IFT172: variants seen among roughly 807,000 people sequenced by gnomAD.
IFT172 encodes the protein intraflagellar transport protein 172 homolog.
IFT172 carries 164 observed loss-of-function variants against 248.9 expected under a neutral mutation model. The ratio of observed to expected loss-of-function variants is 0.66; its 90% CI spans 0.58 to 0.75. IFT172 has a LOEUF of 0.75. Among genes scored for constraint, IFT172 ranks in the 30% least tolerant of loss-of-function variants. The pLI is 0.00. For missense variants in IFT172, 1,950 were observed against 2,192.4 expected, an observed-to-expected ratio of 0.89 and a Z score of 2.21; for synonymous variants, 729 against 791.6, an observed-to-expected ratio of 0.92 and a Z score of 1.33.
At position 27,470,957 on chromosome 2, in the gene IFT172, G is replaced by A. The variant is rs766310940; in HGVS notation, c.1663C>T (p.Pro555Ser). 1 of 1,608,834 alleles carries A rather than the reference G, an allele frequency of 6.2e-7. No homozygotes were observed. Among genetic ancestry groups the A allele is most frequent in the Non-Finnish European group, 8.5e-7 (1 of 1,178,610 alleles). Residue 555 changes from proline (P) to serine (S), a missense_variant, in exon 16 of 48, where the codon CCT (proline) becomes TCT (serine). Physicochemically the swap from Pro to Ser is moderately conservative, Grantham distance 74 (BLOSUM62 -1). Coordinates refer to ENST00000260570, the MANE Select transcript of IFT172 (RefSeq NM_015662.3). ...ATAGTGAACATGGTGACTCTCTCAG[G>A]TGCCTCAATGTTGTACCATACACAC... ...SLCVWYNIEA[P>S]ERVTMFTIRG...
At chr2:27,451,003 AC>A (rs1274350986) in intron 35 of IFT172, among the ~76,000 whole-genome samples, 1 of 150,084 alleles carries the variant, frequency 6.7e-6, no homozygotes, top group Non-Finnish European at 1.5e-5. Flanking sequence ...AATTTAAATG[AC>A]ATGTATGGCT....
intron 30 of IFT172, chr2:27,455,080 C>T (rs751350802): frequency 1.8e-5 from 5 of 278,854 alleles, no homozygotes; most frequent in Admixed American, 1.0e-4. Context: ...CCCTCAGCAT[C>T]GGACTCCATG....
chr2:27,447,641 G>A lies in IFT172; in HGVS notation c.4540-7C>T. 1.2e-6 allele frequency: 2 copies of A among 1,614,112 alleles called. No individual in the cohort carries two copies. The highest frequency in any genetic ancestry group is 1.7e-6 in the Non-Finnish European group (2 of 1,180,034). ...ACTTCACCAGGTTTTCACACTAGAG[G>A]AGGGAGACAGCACAGCCTGGCTCAG... On this transcript the variant is annotated splice_polypyrimidine_tract_variant and splice_region_variant and intron_variant, in intron 41 of 47. Transcript: ENST00000260570.
chr2:27,466,033 T>A, intron 16 of IFT172, 151 bp from the exon 17 acceptor site: 1 of 853,016 alleles, frequency 1.2e-6, no homozygotes, highest in Admixed American at 2.3e-5. Context: ...CTCTCAAGCA[T>A]AAAAAAATAC....
chr2:27,456,764 G>T (rs1242458892), intron 29 of IFT172, 111 bp from the exon 30 acceptor site: 3 of 1,460,930 alleles, frequency 2.1e-6, no homozygotes, highest in Non-Finnish European at 1.8e-6. Flanking sequence ...ACAGGAAGAG[G>T]CTGGGTGTGG....
At chr2:27,481,507 A>G (rs1218918035) in intron 7 of IFT172, among the ~76,000 whole-genome samples, 1 of 151,612 alleles carries the variant, frequency 6.6e-6, no homozygotes, top group Non-Finnish European at 1.5e-5. Flanking sequence ...TGCTCTAGAA[A>G]AACCTCAAAA....
In IFT172 at chr2:27,485,145, A is replaced by T; in HGVS notation, c.184-15T>A. 1.3e-6 allele frequency: 2 copies of T among 1,531,164 alleles called. No homozygotes were observed. Among genetic ancestry groups the T allele is most frequent in the Non-Finnish European group, 1.8e-6 (2 of 1,121,416 alleles). The allele number at this position is 1,531,164 out of a possible 1,614,324, so 94.8% of individuals were successfully genotyped here. A position where few individuals can be genotyped will look rare whatever the true frequency, so the allele number is the denominator to read the frequency against. ...TTCCTGCCATACTAAGAGTTTAAAA[A>T]AAAAAAAAGAAAGAAAAAGAAGTAA... On this transcript the variant is annotated splice_polypyrimidine_tract_variant and intron_variant, in intron 2 of 47. Transcript: ENST00000260570.
At chr2:27,481,013 T>G in intron 8 of IFT172, 33 bp downstream of exon 8, 1 of 1,538,522 alleles carries the variant, frequency 6.5e-7, no homozygotes, top group Non-Finnish European at 9.0e-7. Context: ...GCAGGGAAAG[T>G]AGGCAGTAGA....
At chr2:27,471,230 G>T (rs1242964253) in intron 15 of IFT172, 135 bp from the exon 16 acceptor site, 5 of 777,750 alleles carry the variant, frequency 6.4e-6, no homozygotes, top group Non-Finnish European at 1.0e-5. Context: ...AAAGCTTACT[G>T]ACCTGCTTTC....
intron 14 of IFT172, among the ~76,000 whole-genome samples, chr2:27,476,031 G>A (rs1188233914): frequency 6.6e-6 from 1 of 151,800 alleles, no homozygotes. Context: ...GAACATATAA[G>A]ATTTATAAAT....
At chr2:27,475,672 T>G (rs972255894) in intron 14 of IFT172, 2 of 152,206 alleles carry the variant, frequency 1.3e-5, no homozygotes, top group African/African-American at 4.8e-5. Flanking sequence ...AGTACTATTT[T>G]TATCCCTATT....
At chr2:27,455,583 C>A (rs531008157) in intron 30 of IFT172, among the ~76,000 whole-genome samples, 3 of 152,080 alleles carry the variant, frequency 2.0e-5, no homozygotes, top group Non-Finnish European at 2.9e-5. Context: ...TGGTGGCGGG[C>A]ACCTGTAGTC....
rs745724582 is a variant in IFT172 at position 27,461,862 on chromosome 2, G to A, written c.2116-26C>T. 1.3e-5 allele frequency: 21 copies of A among 1,613,588 alleles called. No homozygotes were observed. In the South Asian group the frequency reaches 2.3e-4, roughly 18 times the overall value. Reference sequence around the variant, plus strand: ...CTAGGGGAAACAGGCAGAGCAGAGAGGGACACCAGAAAGATATGAGGATCA... The same window carrying A: ...CTAGGGGAAACAGGCAGAGCAGAGAAGGACACCAGAAAGATATGAGGATCA... On this transcript the variant is annotated intron_variant, in intron 20 of 47. Coordinates refer to ENST00000260570, the MANE Select transcript of IFT172 (RefSeq NM_015662.3).
At chr2:27,483,461 G>T in intron 6 of IFT172, 85 bp from the exon 7 acceptor site, 1 of 1,392,088 alleles carries the variant, frequency 7.2e-7, no homozygotes, top group Non-Finnish European at 1.0e-6. Flanking sequence ...ACACAACCTT[G>T]TCTGTGCTTC....
At chr2:27,482,130 G>A (rs368308976) in intron 7 of IFT172, among the ~76,000 whole-genome samples, 4 of 151,530 alleles carry the variant, frequency 2.6e-5, no homozygotes, top group East Asian at 3.9e-4. Flanking sequence ...TTCCGGGCAC[G>A]TTCCACCATG....
Position 27,453,511 on chromosome 2 carries a change from C to A in IFT172, c.3824G>T (p.Gly1275Val), listed in dbSNP as rs543062539. The A allele has an allele frequency of 1.2e-5, 20 of 1,614,012 alleles. No homozygotes were observed. In the South Asian group the frequency reaches 2.1e-4, roughly 17 times the overall value. Residue 1275 changes from glycine (G) to valine (V), a missense_variant and splice_region_variant, in exon 35 of 48, where the codon GGT (glycine) becomes GTT (valine). This residue lies in a region of IFT172 where 620 missense variants were observed against 699.0 expected (regional missense o/e 0.89). Coordinates refer to ENST00000260570, the MANE Select transcript of IFT172 (RefSeq NM_015662.3). ...AGCTTGTTCCACAAATCCCTCCACA[C>A]CCCTGTGGAGATGAGAGCGCTGGGA... ...EREATKKGARGVEGFVEQARH... is the reference protein window; with the variant it reads ...EREATKKGARVVEGFVEQARH...
chr2:27,450,129 G>A (rs752652347), intron 35 of IFT172, 33 bp from the exon 36 acceptor site: 1 of 1,518,632 alleles, frequency 6.6e-7, no homozygotes, highest in Non-Finnish European at 9.1e-7. Flanking sequence ...GAAATGGGTA[G>A]GAGAGACAAA....
chr2:27,477,667 G>C (rs1052997312), intron 11 of IFT172, 55 bp from the exon 12 acceptor site: 1 of 1,198,310 alleles, frequency 8.3e-7, no homozygotes, highest in African/African-American at 1.5e-5. Context: ...AGATAATGCC[G>C]AAAGAATGAA....
intron 20 of IFT172, among the ~76,000 whole-genome samples, chr2:27,462,054 T>C (rs1283939974): frequency 6.6e-6 from 1 of 152,192 alleles, no homozygotes; most frequent in Non-Finnish European, 1.5e-5. Flanking sequence ...TTTCTTGAGA[T>C]GGAGTCTCAC....
Sources: allele counts gnomAD v4.1 joint callset (sites outside exome capture counted in the v4.1 genomes callset), GRCh38; gene constraint gnomAD v4.1.1; regional missense constraint gnomAD v4.1.1; transcripts MANE v1.5; gene names NCBI Gene and HGNC (gene_info 2026-07-23, HGNC 2026-07-21).